The following EGFR variants were observed in gnomAD, a reference collection of about 807,000 sequenced individuals.
The protein encoded by EGFR is epidermal growth factor receptor, also known as avian erythroblastic leukemia viral (v-erb-b) oncogene homolog.
Under a neutral mutation model 143.0 loss-of-function variants are expected in EGFR, and 58 were observed. The ratio of observed to expected loss-of-function variants is 0.41; its 90% CI spans 0.33 to 0.50. EGFR has a LOEUF of 0.50. Ranked by LOEUF, EGFR falls within the 20% of genes least tolerant of loss-of-function variation. EGFR has a pLI of 0.39. For missense variants in EGFR, 1,307 were observed against 1,579.0 expected (o/e 0.83, Z 2.92); for synonymous variants, 613 against 594.4 (o/e 1.03, Z -0.45).
At chr7:55,185,012 T>A (rs1787068292) in intron 20 of EGFR, among the ~76,000 whole-genome samples, 1 of 152,226 alleles carries the variant, frequency 6.6e-6, no homozygotes, top group Non-Finnish European at 1.5e-5. Context: ...TGTCCTGTGT[T>A]GACTCACAAA....
chr7:55,103,655 G>T (rs1308638180), intron 1 of EGFR, among the ~76,000 whole-genome samples: 1 of 152,218 alleles, frequency 6.6e-6, no homozygotes, highest in Admixed American at 6.5e-5. Context: ...AAAGAATGAT[G>T]TCGTGGGTGT....
intron 1 of EGFR, among the ~76,000 whole-genome samples, chr7:55,083,005 A>G (rs1027019473): frequency 6.6e-6 from 1 of 152,072 alleles, no homozygotes; most frequent in Non-Finnish European, 1.5e-5. Context: ...GTGCCTTCAC[A>G]TTCCTCTCTG....
At chr7:55,079,345 G>C (rs1168587274) in intron 1 of EGFR, among the ~76,000 whole-genome samples, 1 of 152,250 alleles carries the variant, frequency 6.6e-6, no homozygotes, top group African/African-American at 2.4e-5. Context: ...GGGTCGGCGT[G>C]CTGCTGAAGA....
chr7:55,193,074 G>A (rs370723591), intron 22 of EGFR, among the ~76,000 whole-genome samples: 10 of 152,052 alleles, frequency 6.6e-5, no homozygotes, highest in African/African-American at 2.4e-4. Flanking sequence ...CTGGCAGGGT[G>A]GGGGGTATGG....
At chr7:55,195,985 C>T (rs1454342821) in intron 22 of EGFR, among the ~76,000 whole-genome samples, 3 of 152,098 alleles carry the variant, frequency 2.0e-5, no homozygotes, top group Non-Finnish European at 4.4e-5. Context: ...TGAAAATACG[C>T]ATGCATATGT....
At chr7:55,062,057 C>A (rs1054414078) in intron 1 of EGFR, among the ~76,000 whole-genome samples, 1 of 152,108 alleles carries the variant, frequency 6.6e-6, no homozygotes, top group Admixed American at 6.5e-5. Flanking sequence ...AACCAAAACT[C>A]CAATTAACCA....
intron 16 of EGFR, among the ~76,000 whole-genome samples, chr7:55,171,991 C>G (rs1341778152): frequency 6.6e-6 from 1 of 152,204 alleles, no homozygotes. Context: ...TCTCCTGCCA[C>G]CAGTGTCACA....
Position 55,173,028 on chromosome 7 carries a change from C to G in EGFR, c.1965C>G (p.Leu655=), listed in dbSNP as rs1786424707. 3 of 1,614,022 alleles carry G rather than the reference C, an allele frequency of 1.9e-6. No individual in the cohort carries two copies. Among genetic ancestry groups the G allele is most frequent in the Non-Finnish European group, 2.5e-6 (3 of 1,180,042 alleles). Residue 655 remains leucine, a synonymous_variant, in exon 17 of 28, where the codon CTC becomes CTG. Coordinates refer to ENST00000275493, the MANE Select transcript of EGFR (RefSeq NM_005228.5). ...CCACTGGGATGGTGGGGGCCCTCCT[C>G]TTGCTGCTGGTGGTGGCCCTGGGGA... is the stretch of plus-strand genomic sequence containing the variant. ...SIATGMVGAL[L]LLLVVALGIG...
At chr7:55,075,191 TA>T (rs36085258) in intron 1 of EGFR, among the ~76,000 whole-genome samples, 17,517 of 134,610 alleles carry the variant, frequency 0.13, 1,050 homozygotes, top group Non-Finnish European at 0.17. Context: ...AAGCAGGAGC[TA>T]AAAAAAAAAA....
chr7:55,180,965 A>T (rs1786835082), intron 19 of EGFR: 6 of 455,156 alleles, frequency 1.3e-5, no homozygotes, highest in South Asian at 1.1e-4. Flanking sequence ...CATAACAAAG[A>T]TACTATCAGT....
intron 1 of EGFR, among the ~76,000 whole-genome samples, chr7:55,102,417 A>G (rs1366086852): frequency 1.3e-5 from 2 of 152,156 alleles, no homozygotes; most frequent in Non-Finnish European, 2.9e-5. Context: ...GTGAAGGACT[A>G]TGTCTAACTC....
chr7:55,171,560 C>A (rs937097849), intron 16 of EGFR, among the ~76,000 whole-genome samples: 9 of 152,220 alleles, frequency 5.9e-5, no homozygotes, highest in Admixed American at 4.6e-4. Flanking sequence ...TGTCCACTTA[C>A]CCCATTGGTC....
intron 15 of EGFR, among the ~76,000 whole-genome samples, chr7:55,166,501 C>T (rs1035293104): frequency 2.6e-5 from 4 of 152,180 alleles, no homozygotes; most frequent in Admixed American, 1.3e-4. Flanking sequence ...TAAGATATGT[C>T]ATATACTTAA....
intron 21 of EGFR, 25 bp downstream of exon 21, chr7:55,191,899 C>T (rs1385671620): frequency 1.9e-6 from 3 of 1,612,034 alleles, no homozygotes; most frequent in Non-Finnish European, 2.5e-6. Context: ...TTAGGTCAGC[C>T]AGCATTTTCC....
chr7:55,180,314 G>A (rs190755071), intron 19 of EGFR: 1 of 152,354 alleles, frequency 6.6e-6, no homozygotes, highest in Non-Finnish European at 1.5e-5. Flanking sequence ...GTGGAAATTG[G>A]GGATTCCCTC....
At position 55,093,520 on chromosome 7, in the gene EGFR, G is replaced by A. The variant is rs145383171; in HGVS notation, c.89-48766G>A. Among the ~76,000 whole-genome samples the A allele has an allele frequency of 7.2e-5, 11 of 152,284 alleles. No individual in the cohort carries two copies. In the East Asian group the frequency reaches 2.1e-3, roughly 29 times the overall value. On this transcript the variant is annotated intron_variant, in intron 1 of 27. Coordinates refer to ENST00000275493, the MANE Select transcript of EGFR (RefSeq NM_005228.5). ...GCCCCGCGTCTCAGTCCTCAGTGAT[G>A]GTAAACAGAATGAGGACCTTCTCCC...
At chr7:55,033,019 T>A (rs2128864374) in intron 1 of EGFR, among the ~76,000 whole-genome samples, 1 of 152,328 alleles carries the variant, frequency 6.6e-6, no homozygotes, top group East Asian at 1.9e-4. Context: ...TTCCACTGGT[T>A]CTCAGTATGT....
chr7:55,105,391 G>A (rs1317035059), intron 1 of EGFR, among the ~76,000 whole-genome samples: 7 of 152,194 alleles, frequency 4.6e-5, no homozygotes, highest in Non-Finnish European at 7.3e-5. Flanking sequence ...CATTCTAAGT[G>A]CTTTTCAAAG....
chr7:55,063,023 C>T (rs1789282112), intron 1 of EGFR, among the ~76,000 whole-genome samples: 1 of 152,082 alleles, frequency 6.6e-6, no homozygotes, highest in Non-Finnish European at 1.5e-5. Context: ...AGTCTTTCTC[C>T]ACAAACTCAC....
Sources: allele counts gnomAD v4.1 joint callset (sites outside exome capture counted in the v4.1 genomes callset), GRCh38; gene constraint gnomAD v4.1.1; transcripts MANE v1.5; gene names NCBI Gene and HGNC (gene_info 2026-07-23, HGNC 2026-07-21).